The following SLIT2 variants were observed in gnomAD, a reference collection of about 807,000 sequenced individuals.
The protein encoded by SLIT2 is slit guidance ligand 2, also known as slit homolog 2 protein.
SLIT2 carries 41 observed loss-of-function variants against 185.7 expected under a neutral mutation model. That is an observed-to-expected ratio of 0.22 (90% CI 0.17 to 0.29). SLIT2 has a LOEUF of 0.29. Among genes scored for constraint, SLIT2 ranks in the 10% least tolerant of loss-of-function variants. The probability of loss-of-function intolerance (pLI) is 1.00; values close to 1 mark genes in which losing one functional copy is unlikely to be tolerated. For synonymous variants in SLIT2, 693 were observed against 680.2 expected (o/e 1.02, Z -0.29); for missense variants, 1,571 against 1,909.0 (o/e 0.82, Z 3.30).
intron 4 of SLIT2, among the ~76,000 whole-genome samples, chr4:20,379,171 G>A (rs1325035619): frequency 6.6e-6 from 1 of 152,078 alleles, no homozygotes; most frequent in East Asian, 1.9e-4. Flanking sequence ...GGGTGATAGT[G>A]ATATGTGTCA....
intron 29 of SLIT2, chr4:20,573,290 T>G: frequency 1.4e-6 from 1 of 702,976 alleles, no homozygotes; most frequent in Non-Finnish European, 2.6e-6. Context: ...TATTATGATT[T>G]TCATTTTAGT....
intron 7 of SLIT2, among the ~76,000 whole-genome samples, chr4:20,487,213 AT>A (rs1717327105): frequency 6.6e-6 from 1 of 152,148 alleles, no homozygotes; most frequent in Admixed American, 6.5e-5. Flanking sequence ...CATCATTATA[AT>A]TTCCTTGGAA....
chr4:20,360,794 T>A (rs538000045), intron 4 of SLIT2, among the ~76,000 whole-genome samples: 3 of 152,248 alleles, frequency 2.0e-5, no homozygotes, highest in African/African-American at 2.4e-5. Flanking sequence ...GATTATTTTT[T>A]AAAAAATAGA....
At chr4:20,566,057 T>C (rs983186178) in intron 26 of SLIT2, among the ~76,000 whole-genome samples, 2 of 152,074 alleles carry the variant, frequency 1.3e-5, no homozygotes, top group African/African-American at 2.4e-5. Flanking sequence ...GGCTGTAATC[T>C]GTAGAATAAT....
In SLIT2 at chr4:20,553,897, G is replaced by A. The variant is rs747165909; in HGVS notation, c.2654G>A (p.Arg885His). Residue 885 changes from arginine to histidine, a missense_variant, in exon 26 of 37, where the codon CGT becomes CAT. Physicochemically the swap from Arg to His is conservative, Grantham distance 29. Around this residue, in one of 3 missense-constraint regions of SLIT2, gnomAD observed 1,202 missense variants for 1,416.4 expected, o/e 0.85. Coordinates refer to ENST00000504154, the MANE Select transcript of SLIT2 (RefSeq NM_004787.4). ...KSEYKEPGIA[R>H]CAGPGEMADK... is the part of the protein sequence containing the mutation. ...GAATATAAGGAGCCTGGAATTGCTCGTTGTGCTGGTCCTGGAGAAATGGCA... is the reference window on the plus strand; with the variant it reads ...GAATATAAGGAGCCTGGAATTGCTCATTGTGCTGGTCCTGGAGAAATGGCA... 27 of 1,612,940 alleles carry A rather than the reference G, an allele frequency of 1.7e-5. No individual in the cohort carries two copies. The highest frequency in any genetic ancestry group is 2.1e-5 in the Non-Finnish European group (25 of 1,179,680).
chr4:20,616,927 A>T lies in SLIT2; in HGVS notation c.3865A>T (p.Asn1289Tyr). The T allele has an allele frequency of 6.2e-7, 1 of 1,601,692 alleles. No homozygotes were observed. The highest frequency in any genetic ancestry group is 8.5e-7 in the Non-Finnish European group (1 of 1,170,304). The stretch of plus-strand genomic sequence containing the variant: ...CTCCCCAGGCATGCCAGGGAAGAGT[A>T]ACGTGGCATCTCTGCGCCAGGCCCC... ...LYVGGMPGKS[N>Y]VASLRQAPGQ... Residue 1289 changes from asparagine (N) to tyrosine (Y), a missense_variant, in exon 35 of 37, where the codon AAC becomes TAC. This residue lies in a region of SLIT2 where 146 missense variants were observed against 247.4 expected (regional missense o/e 0.59). Coordinates refer to ENST00000504154, the MANE Select transcript of SLIT2 (RefSeq NM_004787.4).
In SLIT2 at chr4:20,553,822, C is replaced by G. The variant is rs755625920; in HGVS notation, c.2579C>G (p.Pro860Arg). The G allele has an allele frequency of 1.3e-6, 2 of 1,583,704 alleles. No individual in the cohort carries two copies. Among genetic ancestry groups the G allele is most frequent in the African/African-American group, 2.7e-5 (2 of 73,136 alleles). Residue 860 changes from proline to arginine, a missense_variant, in exon 26 of 37, where the codon CCT becomes CGT. By Grantham distance (103) the Pro-to-Arg change is moderately radical. Around this residue, in one of 3 missense-constraint regions of SLIT2, gnomAD observed 1,202 missense variants for 1,416.4 expected, o/e 0.85. Coordinates refer to ENST00000504154, the MANE Select transcript of SLIT2 (RefSeq NM_004787.4). ...ALSHLAIGAN[P>R]LYCDCNMQWL... is the part of the protein sequence containing the mutation. Reference sequence around the variant, plus strand: ...TTTTCCAGAGCAATTGGAGCCAACCCTCTTTACTGTGATTGTAACATGCAG... The same window carrying G: ...TTTTCCAGAGCAATTGGAGCCAACCGTCTTTACTGTGATTGTAACATGCAG...
At chr4:20,294,774 C>A (rs1716304575) in intron 4 of SLIT2, among the ~76,000 whole-genome samples, 1 of 152,148 alleles carries the variant, frequency 6.6e-6, no homozygotes, top group African/African-American at 2.4e-5. Context: ...GGTTGGAATT[C>A]ATGTCTTCTG....
At chr4:20,439,178 T>C (rs1729563941) in intron 4 of SLIT2, among the ~76,000 whole-genome samples, 1 of 152,240 alleles carries the variant, frequency 6.6e-6, no homozygotes, top group Non-Finnish European at 1.5e-5. Context: ...TAAACACAGT[T>C]CCGAGGTATT....
chr4:20,472,371 T>TATATATATAGAGATATAG (rs1715320688), intron 5 of SLIT2, among the ~76,000 whole-genome samples: 1 of 27,800 alleles, frequency 3.6e-5, no homozygotes, highest in Non-Finnish European at 5.7e-5. Flanking sequence ...TATAGATATC[T>TATATATATAGAGATATAG]ATATCTATAT....
At chr4:20,416,962 C>CT (rs33980142) in intron 4 of SLIT2, among the ~76,000 whole-genome samples, 11,082 of 141,314 alleles carry the variant, frequency 0.078, 549 homozygotes, top group South Asian at 0.17. Context: ...GCTATCAAAT[C>CT]TTTTTTTTTT....
Position 20,410,816 on chromosome 4 carries a change from A to G in SLIT2, c.396-56936A>G, listed in dbSNP as rs538484989. The stretch of plus-strand genomic sequence containing the variant: ...CCAGTATCATGCTGTTTTGGTTACT[A>G]TAGCCTTGTATAATTTGAAGCTGGG... On this transcript the variant is annotated intron_variant, in intron 4 of 36. Transcript: ENST00000504154. 5.9e-5 allele frequency among the ~76,000 whole-genome samples: 9 copies of G among 152,060 alleles called. No homozygotes were observed. In the South Asian group the frequency reaches 8.3e-4, roughly 14 times the overall value.
At chr4:20,572,613 A>G (rs1725706325) in intron 29 of SLIT2, among the ~76,000 whole-genome samples, 1 of 152,114 alleles carries the variant, frequency 6.6e-6, no homozygotes, top group Non-Finnish European at 1.5e-5. Context: ...TAAAAAATGG[A>G]CACTTTTTTT....
intron 9 of SLIT2, among the ~76,000 whole-genome samples, chr4:20,504,104 T>C (rs183207058): frequency 6.6e-6 from 1 of 152,276 alleles, no homozygotes; most frequent in African/African-American, 2.4e-5. Context: ...GAAGTAGCAT[T>C]CCAAAAATAG....
At chr4:20,375,485 T>G (rs1284062318) in intron 4 of SLIT2, among the ~76,000 whole-genome samples, 3 of 152,110 alleles carry the variant, frequency 2.0e-5, no homozygotes, top group African/African-American at 4.8e-5. Context: ...TTTTGTTGAT[T>G]ATGAATAAAG....
At chr4:20,298,387 C>T (rs1386620050) in intron 4 of SLIT2, among the ~76,000 whole-genome samples, 2 of 152,182 alleles carry the variant, frequency 1.3e-5, no homozygotes, top group East Asian at 3.9e-4. Flanking sequence ...CTGCACCCGG[C>T]CCTATTTTCT....
At chr4:20,387,781 A>T (rs559489213) in intron 4 of SLIT2, among the ~76,000 whole-genome samples, 1 of 152,082 alleles carries the variant, frequency 6.6e-6, no homozygotes, top group Non-Finnish European at 1.5e-5. Context: ...CGTATAACTG[A>T]ATTCTGCCAA....
At chr4:20,599,330 C>A (rs983022777) in intron 33 of SLIT2, among the ~76,000 whole-genome samples, 3 of 152,084 alleles carry the variant, frequency 2.0e-5, no homozygotes, top group Admixed American at 2.0e-4. Flanking sequence ...ATCCTGCAGA[C>A]AATTTAGCTA....
At chr4:20,454,860 G>C (rs1226304255) in intron 4 of SLIT2, among the ~76,000 whole-genome samples, 1 of 151,940 alleles carries the variant, frequency 6.6e-6, no homozygotes, top group Non-Finnish European at 1.5e-5. Context: ...TTGCAGTATT[G>C]GCTCTTTTGT....
Sources: allele counts gnomAD v4.1 joint callset (sites outside exome capture counted in the v4.1 genomes callset), GRCh38; gene constraint gnomAD v4.1.1; regional missense constraint gnomAD v4.1.1; transcripts MANE v1.5; gene names NCBI Gene and HGNC (gene_info 2026-07-23, HGNC 2026-07-21).